Variants in ANGPTL1 observed in about 807,000 individuals in gnomAD.
The protein encoded by ANGPTL1 is angiopoietin like 1, also known as angiopoietin-related protein 1.
A neutral mutation model predicts 46.7 loss-of-function variants in ANGPTL1; 36 were observed. The ratio of observed to expected loss-of-function variants is 0.77; its 90% CI spans 0.59 to 1.02. ANGPTL1 has a LOEUF of 1.02. ANGPTL1 is among the 50% of genes least tolerant of loss of function. The pLI is 0.00. For synonymous variants in ANGPTL1, 221 were observed against 204.3 expected, an observed-to-expected ratio of 1.08 and a Z score of -0.69; for missense variants, 571 against 594.7, an observed-to-expected ratio of 0.96 and a Z score of 0.41.
At chr1:178,855,209 CATT>C (rs778680493) in intron 3 of ANGPTL1, among the ~76,000 whole-genome samples, 32 of 151,588 alleles carry the variant, frequency 2.1e-4, no homozygotes, top group Non-Finnish European at 3.5e-4. Flanking sequence ...GAATTAATCT[CATT>C]AGGTAGTTAC....
intron 4 of ANGPTL1, chr1:178,853,297 T>C (rs1657304195): frequency 3.5e-6 from 3 of 850,592 alleles, no homozygotes; most frequent in Admixed American, 6.2e-5. Flanking sequence ...CTCTCTCATA[T>C]TCATCTAAAG....
chr1:178,856,647 T>C (rs928609134), intron 3 of ANGPTL1, among the ~76,000 whole-genome samples: 31 of 151,982 alleles, frequency 2.0e-4, no homozygotes, highest in Admixed American at 6.6e-4. Context: ...CTTAACACTA[T>C]ACCCAACAAA....
At chr1:178,856,778 A>G (rs141130682) in intron 3 of ANGPTL1, among the ~76,000 whole-genome samples, 3 of 152,292 alleles carry the variant, frequency 2.0e-5, no homozygotes, top group African/African-American at 7.2e-5. Context: ...TAAATTTAAT[A>G]TAGCTCATCA....
At chr1:178,867,186 A>C (rs1446409001) in intron 2 of ANGPTL1, among the ~76,000 whole-genome samples, 1 of 152,118 alleles carries the variant, frequency 6.6e-6, no homozygotes, top group African/African-American at 2.4e-5. Context: ...ATATTTATTG[A>C]GTGCTTGTTC....
chr1:178,852,704 T>C lies in ANGPTL1; in HGVS notation c.1267A>G (p.Arg423Gly), dbSNP rs1399397124. The C allele has an allele frequency of 6.2e-7, 1 of 1,613,526 alleles. No individual in the cohort carries two copies. The highest frequency in any genetic ancestry group is 2.2e-5 in the East Asian group (1 of 44,854). Reference protein sequence around the residue: ...HNGKQFTTLDRDKDMYAGNCA... With the variant: ...HNGKQFTTLDGDKDMYAGNCA... ...TTACCTGCATACATATCTTTATCTC[T>C]GTCCAGTGTGGTGAATTGTTTACCA... Residue 423 changes from arginine to glycine, a missense_variant, in exon 5 of 6, where the codon AGA becomes GGA. Arg to Gly is a moderately radical substitution (Grantham distance 125, BLOSUM62 -2). Coordinates refer to ENST00000234816, the MANE Select transcript of ANGPTL1 (RefSeq NM_004673.4).
intron 2 of ANGPTL1, among the ~76,000 whole-genome samples, chr1:178,866,144 G>C (rs1263937579): frequency 6.6e-6 from 1 of 152,046 alleles, no homozygotes; most frequent in Admixed American, 6.6e-5. Context: ...TGATAAGATA[G>C]CTTTCTTACC....
intron 1 of ANGPTL1, among the ~76,000 whole-genome samples, chr1:178,870,226 T>C (rs1028622727): frequency 3.3e-5 from 5 of 152,202 alleles, no homozygotes; most frequent in African/African-American, 1.2e-4. Flanking sequence ...TATACTGTAA[T>C]TGAGATTTTG....
chr1:178,864,810 C>A (rs1313432743), intron 3 of ANGPTL1, 144 bp downstream of exon 3: 1 of 492,902 alleles, frequency 2.0e-6, no homozygotes. Context: ...AAGTTCAATT[C>A]TTGATATTAA....
At position 178,853,599 on chromosome 1, in the gene ANGPTL1, A is replaced by G; in HGVS notation, c.1012T>C (p.Tyr338His). ...SVNFFRNWENYKKGFGNIDGE... is the reference protein window; with the variant it reads ...SVNFFRNWENHKKGFGNIDGE... ...GGTCTGCATCACTGATTTACCTTAT[A>G]ATTTTCCCAATTTCTGAAGAAGTTG... The change falls in exon 4 of 6, where the codon TAT becomes CAT. Residue 338 changes from tyrosine (Y) to histidine (H), a missense_variant. Transcript: ENST00000234816. 1.3e-6 allele frequency: 2 copies of G among 1,594,900 alleles called. No homozygotes were observed. The highest frequency in any genetic ancestry group is 1.7e-6 in the Non-Finnish European group (2 of 1,173,292).
chr1:178,869,594 G>A (rs1658623448), intron 1 of ANGPTL1, among the ~76,000 whole-genome samples: 1 of 152,012 alleles, frequency 6.6e-6, no homozygotes, highest in African/African-American at 2.4e-5. Context: ...ATCCACTGTT[G>A]CTTGGAAATT....
Position 178,865,442 on chromosome 1 carries a change from A to G in ANGPTL1, c.335T>C (p.Ile112Thr). 1.9e-6 allele frequency: 3 copies of G among 1,613,998 alleles called. No individual in the cohort carries two copies. The highest frequency in any genetic ancestry group is 2.5e-6 in the Non-Finnish European group (3 of 1,179,972). The change falls in exon 3 of 6, where the codon ATT becomes ACT. Residue 112 changes from isoleucine to threonine, a missense_variant. Coordinates refer to ENST00000234816, the MANE Select transcript of ANGPTL1 (RefSeq NM_004673.4). ...LQLVVDVDGN[I>T]VNEVKLLRKE... ...TCTCAGCAGCTTTACCTCATTCACA[A>G]TGTTTCCATCTACATCCACCACCAG...
rs1368352455 is a variant in ANGPTL1, at chr1:178,865,609, A to G, written c.168T>C (p.Pro56=). The change falls in exon 3 of 6, where the codon CCT becomes CCC. Residue 56 remains proline, a synonymous_variant. Coordinates refer to ENST00000234816, the MANE Select transcript of ANGPTL1 (RefSeq NM_004673.4). The part of the protein sequence containing the change: ...AKKCAYTFLV[P]EQRITGPICV... Reference sequence around the variant, plus strand: ...AGATTGGCCCTGTTATTCTTTGTTCAGGTACCAGGAATGTGTATGCACATT... The same window carrying G: ...AGATTGGCCCTGTTATTCTTTGTTCGGGTACCAGGAATGTGTATGCACATT... 13 of 1,613,842 alleles carry G rather than the reference A, an allele frequency of 8.1e-6. No homozygotes were observed. The highest frequency in any genetic ancestry group is 1.1e-5 in the Non-Finnish European group (13 of 1,179,964).
At chr1:178,862,380 C>T (rs1002643358) in intron 3 of ANGPTL1, among the ~76,000 whole-genome samples, 1 of 152,062 alleles carries the variant, frequency 6.6e-6, no homozygotes, top group Non-Finnish European at 1.5e-5. Flanking sequence ...GCAGGTAAGA[C>T]ACTGTAACCA....
At chr1:178,856,737 A>G (rs1271634696) in intron 3 of ANGPTL1, among the ~76,000 whole-genome samples, 1 of 152,122 alleles carries the variant, frequency 6.6e-6, no homozygotes, top group African/African-American at 2.4e-5. Flanking sequence ...CTTATTTAAT[A>G]AAGTAGCTTA....
rs755948880 is a variant in ANGPTL1 at position 178,865,074 on chromosome 1, C to G, written c.703G>C (p.Gly235Arg). The change falls in exon 3 of 6, where the codon GGA (glycine) becomes CGA (arginine). Residue 235 changes from glycine to arginine, a missense_variant. By Grantham distance (125) the Gly-to-Arg change is moderately radical. Transcript: ENST00000234816. ...GGATCCCTCTGAATCTCGTTACCTC[C>G]CAGCAGACCAGGAGTATACTGTTGG... The part of the protein sequence containing the change: ...NSQQYTPGLL[G>R]GNEIQRDPGY... 2 of 1,525,502 alleles carry G rather than the reference C, an allele frequency of 1.3e-6. No individual in the cohort carries two copies. Among genetic ancestry groups the G allele is most frequent in the South Asian group, 1.3e-5 (1 of 75,662 alleles). 94.5% of individuals were successfully genotyped at this position (1,525,502 alleles called of 1,614,324 possible).
At chr1:178,851,642 T>C (rs1404519267) in intron 5 of ANGPTL1, among the ~76,000 whole-genome samples, 1 of 152,168 alleles carries the variant, frequency 6.6e-6, no homozygotes, top group Non-Finnish European at 1.5e-5. Context: ...GAAGGAAAGA[T>C]ACAGAAGAAG....
chr1:178,869,690 G>A (rs959822504), intron 1 of ANGPTL1, among the ~76,000 whole-genome samples: 4 of 152,050 alleles, frequency 2.6e-5, no homozygotes, highest in Admixed American at 2.0e-4. Context: ...GGACACAAAA[G>A]CAAAGTTGGA....
rs2102337657 is a variant in ANGPTL1 at position 178,865,770 on chromosome 1, T to C, written c.7A>G (p.Thr3Ala). The change falls in exon 3 of 6, where the codon ACT becomes GCT. Residue 3 changes from threonine to alanine, a missense_variant. Thr to Ala is a moderately conservative substitution (Grantham distance 58). Coordinates refer to ENST00000234816, the MANE Select transcript of ANGPTL1 (RefSeq NM_004673.4). MK[T>A]FTWTLGVLFF... ...AGCACACCTAGGGTCCAGGTAAAAG[T>C]CTTCATTTTGAAATGAGGTTGTAAA... The C allele has an allele frequency of 6.3e-7, 1 of 1,576,552 alleles. No individual in the cohort carries two copies. The highest frequency in any genetic ancestry group is 8.6e-7 in the Non-Finnish European group (1 of 1,166,110).
At chr1:178,861,472 T>G (rs1451886631) in intron 3 of ANGPTL1, among the ~76,000 whole-genome samples, 1 of 151,892 alleles carries the variant, frequency 6.6e-6, no homozygotes, top group Non-Finnish European at 1.5e-5. Flanking sequence ...GTACTAATGC[T>G]AAGTGTATAA....
Sources: allele counts gnomAD v4.1 joint callset (sites outside exome capture counted in the v4.1 genomes callset), GRCh38; gene constraint gnomAD v4.1.1; transcripts MANE v1.5; gene names NCBI Gene and HGNC (gene_info 2026-07-23, HGNC 2026-07-21).